IL19: variants seen among roughly 807,000 people sequenced by gnomAD.
The protein encoded by IL19 is interleukin-19.
In IL19, 15 loss-of-function variants were observed where a neutral mutation model predicts 19.5. That is an observed-to-expected ratio of 0.77 (90% confidence interval 0.52 to 1.19). IL19 has a LOEUF of 1.19. Ranked by LOEUF, IL19 falls within the 50% of genes most tolerant of loss-of-function variation. The pLI is 0.00. For missense variants in IL19, 199 were observed against 213.1 expected (o/e 0.93, Z 0.41); for synonymous variants, 78 against 78.3 (o/e 1.00, Z 0.02).
intron 1 of IL19, among the ~76,000 whole-genome samples, 198 bp from the exon 2 acceptor site, chr1:206,798,663 G>A (rs918878196): frequency 2.0e-5 from 3 of 151,826 alleles, no homozygotes; most frequent in Non-Finnish European, 2.9e-5. Context: ...ACAGCGCACC[G>A]AGAAACACCA....
chr1:206,814,011 A>T (rs1314097601), intron 2 of IL19, among the ~76,000 whole-genome samples: 1 of 141,264 alleles, frequency 7.1e-6, no homozygotes, highest in Non-Finnish European at 1.5e-5. Flanking sequence ...TGGTTGTATC[A>T]GTTAATTTCT....
intron 1 of IL19, among the ~76,000 whole-genome samples, chr1:206,785,011 CA>C (rs1675237094): frequency 6.6e-6 from 1 of 152,208 alleles, no homozygotes; most frequent in African/African-American, 2.4e-5. Context: ...GGTTCAGTCC[CA>C]GGAGTTGCCA....
chr1:206,823,425 T>C (rs1676344250), intron 2 of IL19, among the ~76,000 whole-genome samples: 1 of 151,690 alleles, frequency 6.6e-6, no homozygotes, highest in South Asian at 2.1e-4. Context: ...CGTGGTGGCG[T>C]GCGCCTGCAG....
rs538769523 is a variant in IL19, at chr1:206,842,829, C to T, written c.*207C>T. 3.3e-5 allele frequency: 16 copies of T among 482,762 alleles called. No homozygotes were observed. Among genetic ancestry groups the T allele is most frequent in the African/African-American group, 2.7e-4 (14 of 51,586 alleles). 29.9% of individuals were successfully genotyped at this position (482,762 alleles called of 1,614,324 possible). A position where few individuals can be genotyped will look rare whatever the true frequency, so the allele number is the denominator to read the frequency against. On this transcript the variant is annotated 3_prime_UTR_variant, in exon 7 of 7. Transcript: ENST00000659997. ...TAATAAACTCTATCTGCTGAAAGGG[C>T]CTGCAGGCCATCCTGGGAGTAAAGG...
At position 206,770,927 on chromosome 1, in the gene IL19, T is replaced by A; in HGVS notation, c.-300T>A. Reference sequence around the variant, plus strand: ...CTTACACAGCGCCGTAGCCTCAGCCTGAGGGTCTTCAGGTTCTCCCCCAGG... The same window carrying A: ...CTTACACAGCGCCGTAGCCTCAGCCAGAGGGTCTTCAGGTTCTCCCCCAGG... On this transcript the variant is annotated 5_prime_UTR_variant, in exon 1 of 7. An upstream open reading frame in the 5' UTR loses its in-frame stop. Transcript: ENST00000659997. 2 of 1,614,176 alleles carry A rather than the reference T, an allele frequency of 1.2e-6. No individual in the cohort carries two copies. Among genetic ancestry groups the A allele is most frequent in the Non-Finnish European group, 1.7e-6 (2 of 1,180,024 alleles).
chr1:206,816,904 T>G (rs1676171732), intron 2 of IL19, among the ~76,000 whole-genome samples: 1 of 152,176 alleles, frequency 6.6e-6, no homozygotes. Flanking sequence ...TGACTAAATT[T>G]TTGGGCTTAT....
At chr1:206,840,037 C>T in intron 5 of IL19, 35 bp downstream of exon 5, 2 of 1,613,268 alleles carry the variant, frequency 1.2e-6, no homozygotes, top group Non-Finnish European at 8.5e-7. Flanking sequence ...GCATCTGCTC[C>T]CTGTCTGCCC....
intron 1 of IL19, chr1:206,772,312 G>A (rs1274280163): frequency 6.2e-7 from 1 of 1,614,180 alleles, no homozygotes. Context: ...CGGAGATCTC[G>A]AAGCATGTTA....
At chr1:206,832,203 G>A (rs1271761173) in intron 2 of IL19, among the ~76,000 whole-genome samples, 2 of 152,258 alleles carry the variant, frequency 1.3e-5, no homozygotes, top group African/African-American at 2.4e-5. Context: ...CCTAACAAAG[G>A]TGTCTTCTCC....
rs141198167 is a variant in IL19, at chr1:206,813,189, C to T, written c.-3+14183C>T. ...TAGTCTGCTTTGTGATCCTAGAGACCGGACCCTAAAAACCACATTTCTGCA... is the reference window on the plus strand; with the variant it reads ...TAGTCTGCTTTGTGATCCTAGAGACTGGACCCTAAAAACCACATTTCTGCA... On this transcript the variant is annotated intron_variant, in intron 2 of 6. Transcript: ENST00000659997. 1.6e-3 allele frequency among the ~76,000 whole-genome samples: 244 copies of T among 152,254 alleles called. 3 individuals are homozygous for T. The highest frequency in any genetic ancestry group is 5.6e-3 in the African/African-American group (234 of 41,540).
intron 1 of IL19, among the ~76,000 whole-genome samples, chr1:206,798,414 C>A (rs1383526898): frequency 6.6e-6 from 1 of 152,144 alleles, no homozygotes; most frequent in Non-Finnish European, 1.5e-5. Context: ...AAGGACAGAG[C>A]AAAGGAAAGT....
chr1:206,840,946 TA>T, intron 5 of IL19, 57 bp from the exon 6 acceptor site: 2 of 1,396,844 alleles, frequency 1.4e-6, no homozygotes, highest in Non-Finnish European at 2.0e-6. Flanking sequence ...GAGGCAGGAG[TA>T]AGAGAGGGCC....
chr1:206,827,665 T>C (rs926589231), intron 2 of IL19, among the ~76,000 whole-genome samples: 3 of 148,630 alleles, frequency 2.0e-5, no homozygotes, highest in Admixed American at 1.4e-4. Flanking sequence ...CACTCCAGCC[T>C]GGGTGACAGC....
rs192960632 is a variant in IL19 at position 206,794,435 on chromosome 1, T to C, written c.-148-4426T>C. Among the ~76,000 whole-genome samples the C allele has an allele frequency of 1.7e-3, 264 of 152,222 alleles. 2 individuals are homozygous for C. The highest frequency in any genetic ancestry group is 6.2e-3 in the African/African-American group (258 of 41,548). ...CCTCCCACACATTCACTGATTCCCA[T>C]GACCCCGTGTCCCTCCTTTGTGAAG... On this transcript the variant is annotated intron_variant, in intron 1 of 6. Transcript: ENST00000659997.
intron 2 of IL19, among the ~76,000 whole-genome samples, chr1:206,829,825 T>C (rs1389423804): frequency 1.3e-5 from 2 of 152,150 alleles, no homozygotes; most frequent in East Asian, 3.9e-4. Flanking sequence ...ATAAGATGTG[T>C]CACCCAGGGT....
chr1:206,803,178 T>C (rs1675759817), intron 2 of IL19, among the ~76,000 whole-genome samples: 4 of 152,172 alleles, frequency 2.6e-5, no homozygotes, highest in African/African-American at 9.7e-5. Flanking sequence ...CCAGAGAGTC[T>C]ACACATTGAG....
intron 1 of IL19, among the ~76,000 whole-genome samples, chr1:206,798,554 T>C (rs892139082): frequency 1.3e-5 from 2 of 151,980 alleles, no homozygotes; most frequent in Non-Finnish European, 2.9e-5. Context: ...CATTTTTTTT[T>C]CTTAAAAGAC....
chr1:206,775,448 G>C (rs1299956165), intron 1 of IL19, among the ~76,000 whole-genome samples: 1 of 152,090 alleles, frequency 6.6e-6, no homozygotes, highest in East Asian at 1.9e-4. Context: ...TGAAATTACT[G>C]TCCACTCTCA....
intron 2 of IL19, among the ~76,000 whole-genome samples, chr1:206,815,702 A>C (rs183681777): frequency 1.3e-5 from 2 of 152,342 alleles, no homozygotes; most frequent in African/African-American, 4.8e-5. Context: ...ATAACCAGAC[A>C]TATCTTAAAA....
Sources: allele counts gnomAD v4.1 joint callset (sites outside exome capture counted in the v4.1 genomes callset), GRCh38; gene constraint gnomAD v4.1.1; transcripts MANE v1.5; gene names NCBI Gene and HGNC (gene_info 2026-07-23, HGNC 2026-07-21).